The following XKR4 variants were observed in gnomAD, a reference collection of about 807,000 sequenced individuals.
XKR4 encodes the protein XK-related protein 4.
Under a neutral mutation model 53.9 loss-of-function variants are expected in XKR4, and 12 were observed. The observed-to-expected ratio is 0.22, with a 90% CI of 0.14 to 0.36. The LOEUF is 0.36. Ranked by LOEUF, XKR4 falls within the 10% of genes least tolerant of loss-of-function variation. The pLI is 1.00. For synonymous variants in XKR4, 354 were observed against 362.4 expected (o/e 0.98, Z 0.26); for missense variants, 799 against 859.5 (o/e 0.93, Z 0.88).
chr8:55,352,125 T>C (rs1803732730), intron 1 of XKR4, among the ~76,000 whole-genome samples: 3 of 152,260 alleles, frequency 2.0e-5, no homozygotes, highest in Non-Finnish European at 4.4e-5. Context: ...ATGTTATTTT[T>C]CCCTAGTTAA....
At chr8:55,393,235 T>A (rs569812200) in intron 2 of XKR4, among the ~76,000 whole-genome samples, 72 of 152,048 alleles carry the variant, frequency 4.7e-4, no homozygotes, top group Non-Finnish European at 9.0e-4. Flanking sequence ...GAAGGAGACA[T>A]CAACATCTCT....
intron 2 of XKR4, among the ~76,000 whole-genome samples, chr8:55,462,387 G>A (rs1315399031): frequency 6.6e-6 from 1 of 152,090 alleles, no homozygotes; most frequent in Non-Finnish European, 1.5e-5. Context: ...CTTCATAAGT[G>A]AAGGAGAAAT....
chr8:55,239,075 T>G (rs1818172914), intron 1 of XKR4, among the ~76,000 whole-genome samples: 1 of 152,214 alleles, frequency 6.6e-6, no homozygotes, highest in South Asian at 2.1e-4. Flanking sequence ...TTTTTCATAT[T>G]AACCCATATA....
At chr8:55,107,349 G>C (rs145648629) in intron 1 of XKR4, among the ~76,000 whole-genome samples, 1 of 152,120 alleles carries the variant, frequency 6.6e-6, no homozygotes, top group Admixed American at 6.6e-5. Flanking sequence ...TTTTCTGGCT[G>C]AACTGGCTAC....
intron 2 of XKR4, chr8:55,452,444 C>G: frequency 1.6e-6 from 1 of 622,100 alleles, no homozygotes; most frequent in Non-Finnish European, 2.9e-6. Flanking sequence ...CCGCACTGCC[C>G]GCCCTCGCAC....
chr8:55,416,774 T>C (rs1462418057), intron 2 of XKR4, among the ~76,000 whole-genome samples: 2 of 152,172 alleles, frequency 1.3e-5, no homozygotes, highest in East Asian at 3.8e-4. Context: ...GAAATGTATT[T>C]TACCTGATAC....
At chr8:55,255,777 A>G (rs1818430632) in intron 1 of XKR4, among the ~76,000 whole-genome samples, 1 of 152,082 alleles carries the variant, frequency 6.6e-6, no homozygotes, top group Non-Finnish European at 1.5e-5. Context: ...GAAGTCATAA[A>G]TTACATGAGC....
chr8:55,475,747 C>T (rs991176712), intron 2 of XKR4, among the ~76,000 whole-genome samples: 21 of 151,856 alleles, frequency 1.4e-4, no homozygotes, highest in South Asian at 4.2e-4. Context: ...GGATTATAGG[C>T]GCACACCACC....
intron 1 of XKR4, among the ~76,000 whole-genome samples, chr8:55,189,491 A>G (rs1049511663): frequency 2.0e-5 from 3 of 152,226 alleles, no homozygotes; most frequent in African/African-American, 7.2e-5. Flanking sequence ...GCTATGTGAT[A>G]GAACCTGTTG....
intron 2 of XKR4, among the ~76,000 whole-genome samples, chr8:55,400,005 C>T (rs1040336127): frequency 1.5e-4 from 23 of 152,194 alleles, no homozygotes; most frequent in Non-Finnish European, 2.8e-4. Context: ...GTATGCTGCT[C>T]TTCCTTAAAA....
intron 2 of XKR4, among the ~76,000 whole-genome samples, chr8:55,415,210 T>C (rs1423398544): frequency 6.6e-6 from 1 of 152,214 alleles, no homozygotes; most frequent in East Asian, 1.9e-4. Flanking sequence ...TTATCTGAGA[T>C]TATTCAGATC....
At chr8:55,277,425 A>T (rs781361315) in intron 1 of XKR4, among the ~76,000 whole-genome samples, 31 of 152,254 alleles carry the variant, frequency 2.0e-4, no homozygotes, top group Non-Finnish European at 3.8e-4. Flanking sequence ...CCATTTTTGA[A>T]TTTTTTCAGA....
intron 2 of XKR4, among the ~76,000 whole-genome samples, chr8:55,443,698 G>T (rs563334810): frequency 6.6e-6 from 1 of 151,364 alleles, no homozygotes; most frequent in Non-Finnish European, 1.5e-5. Flanking sequence ...AAAAAGAGCC[G>T]GGCATGGTGG....
At chr8:55,244,291 G>A (rs1585963190) in intron 1 of XKR4, among the ~76,000 whole-genome samples, 1 of 152,162 alleles carries the variant, frequency 6.6e-6, no homozygotes, top group African/African-American at 2.4e-5. Context: ...ATGTTTAGCT[G>A]CCACTTATAA....
At chr8:55,434,533 AT>A (rs1051284844) in intron 2 of XKR4, among the ~76,000 whole-genome samples, 128 of 152,252 alleles carry the variant, frequency 8.4e-4, no homozygotes, top group African/African-American at 2.8e-3. Flanking sequence ...ATGAGAGTCC[AT>A]CATGGGATTG....
intron 1 of XKR4, among the ~76,000 whole-genome samples, chr8:55,349,502 A>C (rs544973267): frequency 6.6e-6 from 1 of 152,292 alleles, no homozygotes; most frequent in Non-Finnish European, 1.5e-5. Flanking sequence ...TCTGATTCCA[A>C]GCTAGAATAT....
chr8:55,456,372 G>A (rs935546098), intron 2 of XKR4, among the ~76,000 whole-genome samples: 11 of 152,014 alleles, frequency 7.2e-5, no homozygotes, highest in South Asian at 2.1e-4. Flanking sequence ...CAGAGGTTGC[G>A]GTGAGCTGAG....
At chr8:55,136,591 C>G (rs1816634041) in intron 1 of XKR4, among the ~76,000 whole-genome samples, 1 of 152,170 alleles carries the variant, frequency 6.6e-6, no homozygotes, top group South Asian at 2.1e-4. Context: ...GGCCAGCAGT[C>G]AAACAATAAT....
At chr8:55,178,343 CA>C (rs1473314158) in intron 1 of XKR4, among the ~76,000 whole-genome samples, 2 of 152,132 alleles carry the variant, frequency 1.3e-5, no homozygotes, top group African/African-American at 2.4e-5. Context: ...CTTGGGCTGA[CA>C]GCTTAAACTG....
Sources: allele counts gnomAD v4.1 joint callset (sites outside exome capture counted in the v4.1 genomes callset), GRCh38; gene constraint gnomAD v4.1.1; transcripts MANE v1.5; gene names NCBI Gene and HGNC (gene_info 2026-07-23, HGNC 2026-07-21).